Variants in NCAPG2 observed in about 807,000 individuals in gnomAD.
NCAPG2 encodes the protein condensin-2 complex subunit G2.
A neutral mutation model predicts 141.1 loss-of-function variants in NCAPG2; 53 were observed. The observed-to-expected ratio is 0.38, with a 90% confidence interval of 0.30 to 0.47. The LOEUF is 0.47. NCAPG2 is among the 20% of genes least tolerant of loss of function. The pLI is 0.99. For synonymous variants in NCAPG2, 499 were observed against 490.7 expected, an observed-to-expected ratio of 1.02 and a Z score of -0.22; for missense variants, 1,087 against 1,389.0, an observed-to-expected ratio of 0.78 and a Z score of 3.46.
intron 1 of NCAPG2, among the ~76,000 whole-genome samples, chr7:158,702,868 A>T (rs1485517182): frequency 6.6e-6 from 1 of 152,232 alleles, no homozygotes; most frequent in Non-Finnish European, 1.5e-5. Context: ...TCCTCAACTC[A>T]AATGGCTGAA....
intron 2 of NCAPG2, chr7:158,696,307 G>T (rs1300211140): frequency 3.3e-5 from 5 of 152,208 alleles, no homozygotes; most frequent in Non-Finnish European, 7.3e-5. Context: ...AGAGGAAGTA[G>T]AAGCTGCCAA....
chr7:158,691,286 TAATATAACATTCCTG>T (rs1835103230), intron 4 of NCAPG2, among the ~76,000 whole-genome samples: 1 of 152,364 alleles, frequency 6.6e-6, no homozygotes. Context: ...GTCATTACAC[TAATATAACATTCCTG>T]AATTAACTGG....
At chr7:158,686,607 T>C (rs956020407) in intron 7 of NCAPG2, among the ~76,000 whole-genome samples, 13 of 152,190 alleles carry the variant, frequency 8.5e-5, no homozygotes, top group Non-Finnish European at 1.2e-4. Context: ...TACCAATTCC[T>C]GAGGTACAAG....
chr7:158,667,022 G>A (rs1045893791), intron 13 of NCAPG2: 7 of 603,434 alleles, frequency 1.2e-5, no homozygotes, highest in African/African-American at 1.0e-4. Flanking sequence ...CATAGACAAT[G>A]CCCTCCCGTC....
At chr7:158,667,324 C>A in intron 13 of NCAPG2, 1 of 77,872 alleles carries the variant, frequency 1.3e-5, no homozygotes, top group Non-Finnish European at 1.5e-5. Context: ...CTACTGTGTC[C>A]CTCCGCTACT....
rs1834375030 is a variant in NCAPG2 at position 158,680,392 on chromosome 7, C to G, written c.1021-307G>C. On this transcript the variant is annotated intron_variant, in intron 10 of 27. Coordinates refer to ENST00000356309, the MANE Select transcript of NCAPG2 (RefSeq NM_017760.7). The stretch of plus-strand genomic sequence containing the variant: ...TGTGTGTTTGTTAGATCTCAAGGAT[C>G]TGGACAGCCCTGGACAGCCCAGGCC... 1.3e-5 allele frequency among the ~76,000 whole-genome samples: 2 copies of G among 152,132 alleles called. 1 individual carries two copies. Among genetic ancestry groups the G allele is most frequent in the South Asian group, 4.1e-4 (2 of 4,824 alleles).
At chr7:158,680,668 C>A in intron 10 of NCAPG2, 53 bp downstream of exon 10, 1 of 1,214,398 alleles carries the variant, frequency 8.2e-7, no homozygotes. Flanking sequence ...TTGCTAAATT[C>A]AAAAGCACAA....
chr7:158,687,501 C>T lies in NCAPG2; in HGVS notation c.673-59G>A. The T allele has an allele frequency of 3.2e-6, 4 of 1,251,832 alleles. No homozygotes were observed. In the South Asian group the frequency reaches 4.0e-5, roughly 12 times the overall value. 77.5% of individuals were successfully genotyped at this position (1,251,832 alleles called of 1,614,324 possible). On this transcript the variant is annotated intron_variant, in intron 6 of 27. Coordinates refer to ENST00000356309, the MANE Select transcript of NCAPG2 (RefSeq NM_017760.7). ...CAACCAAATAAAAAGTGCCAAATAA[C>T]AAACAATTATTTGAACGTCTAGTAA...
intron 2 of NCAPG2, 93 bp from the exon 3 acceptor site, chr7:158,693,590 T>A: frequency 8.9e-7 from 1 of 1,125,236 alleles, no homozygotes; most frequent in Non-Finnish European, 1.2e-6. Context: ...AAGTGTTAAC[T>A]TCATTACAAG....
chr7:158,667,806 G>A (rs62478290), intron 13 of NCAPG2, among the ~76,000 whole-genome samples: 12 of 31,198 alleles, frequency 3.8e-4, no homozygotes, highest in Non-Finnish European at 5.8e-4. Context: ...GGGTCCCTCC[G>A]CCCTCCTTAC....
At position 158,650,171 on chromosome 7, in the gene NCAPG2, G is replaced by A. The variant is rs1021834025; in HGVS notation, c.3075+661C>T. 9.2e-5 allele frequency among the ~76,000 whole-genome samples: 14 copies of A among 152,056 alleles called. 1 individual carries two copies. The highest frequency in any genetic ancestry group is 4.2e-4 in the South Asian group (2 of 4,814). ...CGGGTTCAAGACTGCCTCAGCCCCC[G>A]AGCAGCTGGGATTACAGGTGCGTGC... On this transcript the variant is annotated intron_variant, in intron 24 of 27. Transcript: ENST00000356309.
chr7:158,664,861 T>A (rs1288011508), intron 13 of NCAPG2, 111 bp from the exon 14 acceptor site: 3 of 878,586 alleles, frequency 3.4e-6, no homozygotes, highest in Non-Finnish European at 5.1e-6. Context: ...TTTTTATATT[T>A]AAAAAAATTC....
intron 13 of NCAPG2, among the ~76,000 whole-genome samples, chr7:158,669,241 A>G (rs575824987): frequency 1.3e-5 from 2 of 152,346 alleles, no homozygotes; most frequent in South Asian, 4.1e-4. Context: ...ACGCAAACAT[A>G]TATCTTTATA....
At chr7:158,659,567 T>C (rs1180625432) in intron 16 of NCAPG2, among the ~76,000 whole-genome samples, 1 of 152,008 alleles carries the variant, frequency 6.6e-6, no homozygotes, top group African/African-American at 2.4e-5. Flanking sequence ...CTTAGTAAAT[T>C]GCAGCTAAAT....
At chr7:158,666,790 A>G (rs1191027230) in intron 13 of NCAPG2, among the ~76,000 whole-genome samples, 1 of 152,106 alleles carries the variant, frequency 6.6e-6, no homozygotes, top group Non-Finnish European at 1.5e-5. Flanking sequence ...AAATAAAAAG[A>G]AGACAATGCA....
rs149048471 is a variant in NCAPG2 at position 158,676,016 on chromosome 7, G to C, written c.1147-360C>G. ...TTCTAAAATGCTGTAATGCATTTTA[G>C]AGCCCAGAATAAAATAATTCTACTT... On this transcript the variant is annotated intron_variant, in intron 11 of 27. Coordinates refer to ENST00000356309, the MANE Select transcript of NCAPG2 (RefSeq NM_017760.7). Among the ~76,000 whole-genome samples the C allele has an allele frequency of 9.9e-5, 15 of 152,270 alleles. No homozygotes were observed. The East Asian group carries it at 2.9e-3, about 29-fold the overall frequency.
chr7:158,704,280 G>C (rs1836014630), intron 1 of NCAPG2, among the ~76,000 whole-genome samples: 1 of 143,380 alleles, frequency 7.0e-6, no homozygotes, highest in Non-Finnish European at 1.5e-5. Flanking sequence ...TCAGGACTGA[G>C]GGGGTCGCTC....
chr7:158,675,240 C>T, intron 12 of NCAPG2, among the ~76,000 whole-genome samples: 1 of 152,204 alleles, frequency 6.6e-6, no homozygotes, highest in Non-Finnish European at 1.5e-5. Flanking sequence ...ATAAATTCAA[C>T]AGTACTGGGA....
intron 27 of NCAPG2, among the ~76,000 whole-genome samples, chr7:158,644,063 T>C (rs1052161422): frequency 5.9e-5 from 9 of 152,244 alleles, no homozygotes; most frequent in Admixed American, 2.0e-4. Context: ...TTTTCTACAG[T>C]AGAATTTTGC....
Sources: allele counts gnomAD v4.1 joint callset (sites outside exome capture counted in the v4.1 genomes callset), GRCh38; gene constraint gnomAD v4.1.1; transcripts MANE v1.5; gene names NCBI Gene and HGNC (gene_info 2026-07-23, HGNC 2026-07-21).